Variants in TBK1 observed in about 807,000 individuals in gnomAD.
TBK1 encodes serine/threonine-protein kinase TBK1.
Under a neutral mutation model 99.9 loss-of-function variants are expected in TBK1, and 37 were observed. That is an observed-to-expected ratio of 0.37 (90% CI 0.28 to 0.49). TBK1 has a LOEUF of 0.49. Among genes scored for constraint, TBK1 ranks in the 20% least tolerant of loss-of-function variants. The pLI is 0.98. For synonymous variants in TBK1, 258 were observed against 279.8 expected (o/e 0.92, Z 0.78); for missense variants, 644 against 872.5 (o/e 0.74, Z 3.30).
intron 2 of TBK1, 82 bp downstream of exon 2, chr12:64,456,039 A>G: frequency 1.0e-6 from 1 of 1,003,248 alleles, no homozygotes; most frequent in Non-Finnish European, 1.5e-6. Context: ...AAAGTGTGTG[A>G]CTTGGTGATT....
intron 8 of TBK1, among the ~76,000 whole-genome samples, chr12:64,483,282 A>G (rs2040785711): frequency 6.6e-6 from 1 of 152,220 alleles, no homozygotes; most frequent in African/African-American, 2.4e-5. Flanking sequence ...TTCATTTCCT[A>G]TGTACACACA....
chr12:64,464,327 T>TC lies in TBK1; in HGVS notation c.229-7_229-6insC. 6.4e-7 allele frequency: 1 copy of TC among 1,573,914 alleles called. No individual in the cohort carries two copies. The highest frequency in any genetic ancestry group is 8.6e-7 in the Non-Finnish European group (1 of 1,165,728). On this transcript the variant is annotated splice_polypyrimidine_tract_variant and splice_region_variant and intron_variant, in intron 3 of 20. Transcript: ENST00000331710. Reference sequence around the variant, plus strand: ...GTTGATTCCCAATCAATGATTTTTTTTTTCAGACAACAACAAGACATAAAG... The same window carrying TC: ...GTTGATTCCCAATCAATGATTTTTTTCTTTCAGACAACAACAAGACATAAAG...
chr12:64,500,748 G>A (rs947588133), intron 20 of TBK1, among the ~76,000 whole-genome samples: 24 of 146,038 alleles, frequency 1.6e-4, no homozygotes, highest in Admixed American at 8.6e-4. Flanking sequence ...CTCCCAACTC[G>A]GTATCTTTTT....
intron 7 of TBK1, among the ~76,000 whole-genome samples, chr12:64,481,539 G>A (rs1270218347): frequency 6.6e-6 from 1 of 152,080 alleles, no homozygotes; most frequent in Non-Finnish European, 1.5e-5. Flanking sequence ...GGATACTTGA[G>A]CCCCAGAGTT....
At chr12:64,477,003 C>G (rs981505873) in intron 6 of TBK1, among the ~76,000 whole-genome samples, 1 of 152,122 alleles carries the variant, frequency 6.6e-6, no homozygotes, top group Non-Finnish European at 1.5e-5. Flanking sequence ...TTTTAGGAGT[C>G]TCTATTCTGT....
intron 3 of TBK1, among the ~76,000 whole-genome samples, chr12:64,463,137 C>T (rs950312944): frequency 4.7e-5 from 7 of 149,830 alleles, no homozygotes; most frequent in East Asian, 2.0e-4. Flanking sequence ...TTTGGGAGGC[C>T]GAGGTGGGCG....
intron 9 of TBK1, among the ~76,000 whole-genome samples, chr12:64,485,086 T>A (rs886924477): frequency 6.6e-6 from 1 of 152,040 alleles, no homozygotes; most frequent in African/African-American, 2.4e-5. Context: ...AGCTTTAGAG[T>A]CTAAGAAAAA....
At chr12:64,457,772 A>G (rs1482561036) in intron 2 of TBK1, among the ~76,000 whole-genome samples, 1 of 152,174 alleles carries the variant, frequency 6.6e-6, no homozygotes, top group South Asian at 2.1e-4. Context: ...TCTTCATGTA[A>G]GTGACTACAC....
At position 64,469,374 on chromosome 12, in the gene TBK1, T is replaced by G. The variant is rs534416041; in HGVS notation, c.540+2292T>G. On this transcript the variant is annotated intron_variant, in intron 5 of 20. Transcript: ENST00000331710. ...AGACAAGAAGAAATCACCCCCTTCC[T>G]GCTCCTTTCTCCGTCCTACATGACA... Among the ~76,000 whole-genome samples the G allele has an allele frequency of 6.6e-4, 101 of 152,206 alleles. 1 individual carries two copies. The highest frequency in any genetic ancestry group is 1.2e-3 in the Non-Finnish European group (85 of 68,016).
chr12:64,459,880 A>G (rs889026030), intron 2 of TBK1, among the ~76,000 whole-genome samples: 11 of 152,244 alleles, frequency 7.2e-5, no homozygotes, highest in South Asian at 2.1e-4. Flanking sequence ...TGATACTATT[A>G]TGGCTTTTAT....
At chr12:64,484,864 T>C (rs2040803002) in intron 9 of TBK1, among the ~76,000 whole-genome samples, 1 of 152,204 alleles carries the variant, frequency 6.6e-6, no homozygotes, top group Non-Finnish European at 1.5e-5. Context: ...TATAAATTAC[T>C]ATAGTTGAAA....
At chr12:64,476,063 G>A (rs1024005653) in intron 6 of TBK1, among the ~76,000 whole-genome samples, 7 of 151,098 alleles carry the variant, frequency 4.6e-5, no homozygotes, top group African/African-American at 7.3e-5. Context: ...TCTGACTGGC[G>A]TGAGATGGTA....
intron 1 of TBK1, among the ~76,000 whole-genome samples, chr12:64,454,050 T>G (rs2040458083): frequency 6.6e-6 from 1 of 152,242 alleles, no homozygotes; most frequent in Admixed American, 6.5e-5. Context: ...TTTGTCTTCA[T>G]TAGTGTTTCT....
At chr12:64,478,397 C>T (rs973693803) in intron 6 of TBK1, among the ~76,000 whole-genome samples, 1 of 152,140 alleles carries the variant, frequency 6.6e-6, no homozygotes, top group African/African-American at 2.4e-5. Context: ...TGATCTGCCC[C>T]CCGCCTTGGT....
At chr12:64,483,515 G>A (rs575380204) in intron 8 of TBK1, among the ~76,000 whole-genome samples, 2 of 152,266 alleles carry the variant, frequency 1.3e-5, no homozygotes, top group African/African-American at 2.4e-5. Flanking sequence ...ACATATTTAA[G>A]CCATTTAATC....
intron 13 of TBK1, among the ~76,000 whole-genome samples, chr12:64,491,436 C>T (rs2040868783): frequency 6.6e-6 from 1 of 152,028 alleles, no homozygotes; most frequent in South Asian, 2.1e-4. Context: ...GCCTGGGCAA[C>T]ATGATGAAAC....
At chr12:64,495,946 A>G (rs2040921351) in intron 15 of TBK1, 171 bp downstream of exon 15, 1 of 553,700 alleles carries the variant, frequency 1.8e-6, no homozygotes, top group Non-Finnish European at 3.1e-6. Flanking sequence ...AAAAAAAACT[A>G]TCCTTAAAAT....
chr12:64,495,303 T>C (rs904954160), intron 13 of TBK1, 180 bp from the exon 14 acceptor site: 3 of 647,208 alleles, frequency 4.6e-6, no homozygotes, highest in South Asian at 2.1e-5. Flanking sequence ...TATCATACTG[T>C]ACCCCTGGTG....
chr12:64,455,771 C>A, intron 1 of TBK1, 69 bp from the exon 2 acceptor site: 1 of 758,086 alleles, frequency 1.3e-6, no homozygotes, highest in Non-Finnish European at 2.2e-6. Flanking sequence ...AGACTAAAAA[C>A]AGCTAACATT....
Sources: gnomAD v4.1 joint callset for allele counts (sites outside exome capture counted in the v4.1 genomes callset) on GRCh38, gnomAD v4.1.1 for gene constraint, MANE v1.5 for transcripts, NCBI Gene and HGNC (gene_info 2026-07-23, HGNC 2026-07-21) for gene names.